NAV2: variants seen among roughly 807,000 people sequenced by gnomAD.
NAV2 encodes helicase, APC down-regulated 1.
NAV2 carries 54 observed loss-of-function variants against 223.2 expected under a neutral mutation model. That is an observed-to-expected ratio of 0.24 (90% CI 0.19 to 0.30). The LOEUF (loss-of-function observed/expected upper bound fraction) is 0.30, where lower values mean the gene tolerates loss of function less well. Ranked by LOEUF, NAV2 falls within the 10% of genes least tolerant of loss-of-function variation. NAV2 has a pLI of 1.00. For synonymous variants in NAV2, 1,279 were observed against 1,239.3 expected (o/e 1.03, Z -0.67); for missense variants, 2,806 against 3,147.5 (o/e 0.89, Z 2.60).
At chr11:19,968,960 T>C (rs1591471200) in intron 10 of NAV2, among the ~76,000 whole-genome samples, 1 of 152,096 alleles carries the variant, frequency 6.6e-6, no homozygotes, top group Non-Finnish European at 1.5e-5. Flanking sequence ...GTTGCCTGGG[T>C]GCTTGGCTGC....
intron 1 of NAV2, among the ~76,000 whole-genome samples, chr11:19,689,973 T>C (rs2152257942): frequency 6.6e-6 from 1 of 152,352 alleles, no homozygotes; most frequent in Middle Eastern, 3.4e-3. Context: ...TATTTTATTT[T>C]ACTTTTTATT....
Position 20,120,422 on chromosome 11 carries a change from C to T in NAV2, c.*2164C>T, listed in dbSNP as rs1489256703. ...TAGCCTGTGACCAGGGGGGCCAAAC[C>T]CTAAGATTTCTGGTAAACCTGAAGG... On this transcript the variant is annotated 3_prime_UTR_variant, in exon 38 of 38. Transcript: ENST00000349880. 1 of 152,518 alleles carries T rather than the reference C, an allele frequency of 6.6e-6. No homozygotes were observed. Among genetic ancestry groups the T allele is most frequent in the African/African-American group, 2.4e-5 (1 of 41,402 alleles). The allele number at this position is 152,518 out of a possible 1,614,324, so 9.4% of individuals were successfully genotyped here.
chr11:19,387,863 A>T (rs1849103208), intron 1 of NAV2, among the ~76,000 whole-genome samples: 1 of 152,192 alleles, frequency 6.6e-6, no homozygotes, highest in African/African-American at 2.4e-5. Context: ...AAACTTGCAA[A>T]TGTGTGGTTC....
chr11:19,789,805 C>T (rs954803001), intron 1 of NAV2, among the ~76,000 whole-genome samples: 1 of 152,168 alleles, frequency 6.6e-6, no homozygotes. Flanking sequence ...GGGGCTTCCT[C>T]CCCCTTTCTG....
intron 1 of NAV2, among the ~76,000 whole-genome samples, chr11:19,353,578 A>G (rs1359539031): frequency 3.3e-5 from 5 of 152,200 alleles, no homozygotes; most frequent in Non-Finnish European, 7.3e-5. Context: ...ATTTTATTAT[A>G]GGGATATTAT....
intron 1 of NAV2, among the ~76,000 whole-genome samples, chr11:19,362,158 A>G (rs1185578492): frequency 1.3e-5 from 2 of 152,148 alleles, no homozygotes; most frequent in Non-Finnish European, 2.9e-5. Context: ...TATTGTTCCC[A>G]CTTTACAGAT....
At chr11:19,556,516 G>T (rs577803163) in intron 1 of NAV2, among the ~76,000 whole-genome samples, 2 of 152,328 alleles carry the variant, frequency 1.3e-5, no homozygotes, top group South Asian at 4.1e-4. Flanking sequence ...ACCTTTGGCA[G>T]CTTGATGAGC....
chr11:19,934,745 A>G (rs949269934), intron 7 of NAV2, among the ~76,000 whole-genome samples: 2 of 152,206 alleles, frequency 1.3e-5, no homozygotes, highest in African/African-American at 4.8e-5. Context: ...GAACATCCAG[A>G]TCCTCACAGT....
At chr11:20,044,943 C>T in intron 13 of NAV2, 25 bp from the exon 14 acceptor site, 1 of 1,571,508 alleles carries the variant, frequency 6.4e-7, no homozygotes. Context: ...GGCTTGCAGG[C>T]TAATCTTGCT....
intron 14 of NAV2, among the ~76,000 whole-genome samples, chr11:20,046,969 T>C (rs1159505768): frequency 6.6e-6 from 1 of 152,200 alleles, no homozygotes; most frequent in East Asian, 1.9e-4. Flanking sequence ...TGAACAGGAA[T>C]GTTTGAAAAG....
chr11:20,043,986 T>A lies in NAV2; in HGVS notation c.2913T>A (p.Asp971Glu). 6.2e-7 allele frequency: 1 copy of A among 1,613,590 alleles called. No homozygotes were observed. The highest frequency in any genetic ancestry group is 8.5e-7 in the Non-Finnish European group (1 of 1,179,486). Residue 971 changes from aspartate (D) to glutamate (E), a missense_variant, in exon 13 of 38, where the codon GAT becomes GAA. This residue lies in a region of NAV2 where 73 missense variants were observed against 119.7 expected (regional missense o/e 0.61). Coordinates refer to ENST00000349880, the MANE Select transcript of NAV2 (RefSeq NM_145117.5). ...SSRKNLDVQTDAEKHSQVERN... is the reference protein window; with the variant it reads ...SSRKNLDVQTEAEKHSQVERN... ...CAGAGAGTCTCTGTCCACAGACTGA[T>A]GCTGAGAAGCACTCACAGGTGGAGA... is the stretch of plus-strand genomic sequence containing the variant.
chr11:20,038,817 G>GT (rs2056645465), intron 12 of NAV2, among the ~76,000 whole-genome samples: 14 of 152,174 alleles, frequency 9.2e-5, no homozygotes, highest in Admixed American at 9.2e-4. Context: ...GGTTTTTGCT[G>GT]TTTGAAAAGC....
chr11:19,933,578 C>T lies in NAV2; in HGVS notation c.1334C>T (p.Ala445Val), dbSNP rs1188443560. The T allele has an allele frequency of 6.2e-7, 1 of 1,610,938 alleles. No individual in the cohort carries two copies. The highest frequency in any genetic ancestry group is 2.2e-5 in the East Asian group (1 of 44,780). ...GAAGAGAGCGAGGAGCTGGAGGCCG[C>T]CAGTCGCATGCTCACCACCGTGGGC... ...SFEESEELEA[A>V]SRMLTTVGPA... The change falls in exon 7 of 38, where the codon GCC becomes GTC. Residue 445 changes from alanine to valine, a missense_variant. This residue lies in a region of NAV2 where 1,167 missense variants were observed against 1,180.5 expected (regional missense o/e 0.99). Transcript: ENST00000349880. This position sits in a 1 kb window ranked among gnomAD's most constrained non-coding sequence, Gnocchi z 4.3.
intron 1 of NAV2, among the ~76,000 whole-genome samples, chr11:19,650,979 T>C (rs892434813): frequency 6.6e-6 from 1 of 152,232 alleles, no homozygotes; most frequent in African/African-American, 2.4e-5. Flanking sequence ...TAAAAACTCA[T>C]TGAATTGAAC....
At chr11:20,022,084 G>C (rs1481020586) in intron 11 of NAV2, among the ~76,000 whole-genome samples, 1 of 152,214 alleles carries the variant, frequency 6.6e-6, no homozygotes, top group Non-Finnish European at 1.5e-5. Context: ...GAAAGTCTTT[G>C]AAAGCTACCA....
At chr11:19,734,714 C>T (rs1486015565) in intron 1 of NAV2, among the ~76,000 whole-genome samples, 1 of 152,178 alleles carries the variant, frequency 6.6e-6, no homozygotes. Flanking sequence ...CCCTAACTCC[C>T]AACAGACATA....
chr11:19,771,301 G>A (rs977956528), intron 1 of NAV2, among the ~76,000 whole-genome samples: 3 of 152,124 alleles, frequency 2.0e-5, no homozygotes, highest in Admixed American at 6.6e-5. Flanking sequence ...TTTAAAGGCC[G>A]TAGAGGAGAT....
intron 1 of NAV2, among the ~76,000 whole-genome samples, chr11:19,384,342 T>A (rs114867807): frequency 2.0e-5 from 3 of 152,238 alleles, no homozygotes; most frequent in Non-Finnish European, 4.4e-5. Context: ...TAAAATGAGT[T>A]ATAAAAAGTT....
At chr11:19,408,847 C>A (rs1296124150) in intron 1 of NAV2, among the ~76,000 whole-genome samples, 1 of 151,828 alleles carries the variant, frequency 6.6e-6, no homozygotes, top group Admixed American at 6.6e-5. Context: ...ATACTCCAAA[C>A]TGAAGACAGC....
Sources: allele counts gnomAD v4.1 joint callset (sites outside exome capture counted in the v4.1 genomes callset), GRCh38; gene constraint gnomAD v4.1.1; regional missense constraint gnomAD v4.1.1; non-coding constraint Gnocchi (gnomAD v3.1); transcripts MANE v1.5; gene names NCBI Gene and HGNC (gene_info 2026-07-23, HGNC 2026-07-21).